The following PALM2AKAP2 variants were observed in gnomAD, a reference collection of about 807,000 sequenced individuals.
PALM2AKAP2 encodes the protein PALM2 and AKAP2 fusion.
A neutral mutation model predicts 71.5 loss-of-function variants in PALM2AKAP2; 37 were observed. That is an observed-to-expected ratio of 0.52 (90% CI 0.40 to 0.68). The LOEUF is 0.68. PALM2AKAP2 is among the 30% of genes least tolerant of loss of function. The pLI, the probability that PALM2AKAP2 is intolerant of heterozygous loss-of-function variation, is 0.00. For synonymous variants in PALM2AKAP2, 468 were observed against 478.8 expected (o/e 0.98, Z 0.29); for missense variants, 1,224 against 1,191.8 (o/e 1.03, Z -0.40).
At chr9:110,017,046 A>T (rs999818000) in intron 7 of PALM2AKAP2, among the ~76,000 whole-genome samples, 1 of 151,912 alleles carries the variant, frequency 6.6e-6, no homozygotes, top group Admixed American at 6.6e-5. Flanking sequence ...TGCCTGGCTA[A>T]TTTTTTGTAT....
chr9:109,900,089 A>G (rs1051473509), intron 3 of PALM2AKAP2, among the ~76,000 whole-genome samples: 1 of 152,364 alleles, frequency 6.6e-6, no homozygotes, highest in East Asian at 1.9e-4. Flanking sequence ...TGACATGCCC[A>G]TGGATACTCT....
chr9:109,698,515 G>A (rs1387827349), intron 1 of PALM2AKAP2, among the ~76,000 whole-genome samples: 1 of 152,168 alleles, frequency 6.6e-6, no homozygotes. Flanking sequence ...CTGACCTCAA[G>A]TGATCTGCCA....
At chr9:110,023,169 G>A (rs1833105015) in intron 7 of PALM2AKAP2, among the ~76,000 whole-genome samples, 1 of 151,556 alleles carries the variant, frequency 6.6e-6, no homozygotes, top group Non-Finnish European at 1.5e-5. Flanking sequence ...CTTCCACAAT[G>A]GTTGAACTAG....
intron 3 of PALM2AKAP2, among the ~76,000 whole-genome samples, chr9:109,889,011 G>GCAT (rs1830028210): frequency 6.6e-6 from 1 of 152,148 alleles, no homozygotes; most frequent in African/African-American, 2.4e-5. Flanking sequence ...CAAAAGCCTG[G>GCAT]CATTATGTGT....
At chr9:109,870,787 T>C (rs1829583252) in intron 2 of PALM2AKAP2, among the ~76,000 whole-genome samples, 2 of 152,216 alleles carry the variant, frequency 1.3e-5, no homozygotes, top group Non-Finnish European at 2.9e-5. Context: ...TCTAAATATA[T>C]TGTGATGGAC....
At chr9:110,146,761 G>A (rs924992824) in intron 2 of PALM2AKAP2, among the ~76,000 whole-genome samples, 1 of 152,148 alleles carries the variant, frequency 6.6e-6, no homozygotes, top group Admixed American at 6.5e-5. Context: ...ATACTTATGG[G>A]GTGGAAGGCT....
intron 1 of PALM2AKAP2, among the ~76,000 whole-genome samples, chr9:110,122,299 G>A (rs1232488085): frequency 6.6e-6 from 1 of 152,174 alleles, no homozygotes; most frequent in Non-Finnish European, 1.5e-5. Flanking sequence ...CCCAGCACTG[G>A]GATTTTACAG....
chr9:109,653,877 A>G (rs1454501059), intron 1 of PALM2AKAP2, among the ~76,000 whole-genome samples: 1 of 152,212 alleles, frequency 6.6e-6, no homozygotes, highest in African/African-American at 2.4e-5. Flanking sequence ...GGAGTTCAAC[A>G]ATCTGTGTGT....
chr9:109,689,209 T>C (rs959297911), intron 1 of PALM2AKAP2, among the ~76,000 whole-genome samples: 1,925 of 149,128 alleles, frequency 0.013, 23 homozygotes, highest in Non-Finnish European at 0.02. Context: ...TCTTTTTTTT[T>C]TTTTTTTTTT....
intron 1 of PALM2AKAP2, among the ~76,000 whole-genome samples, chr9:109,712,136 C>T (rs898356757): frequency 6.6e-5 from 10 of 152,062 alleles, no homozygotes; most frequent in African/African-American, 2.2e-4. Flanking sequence ...CCCAATAAAA[C>T]AGGGGTAATA....
At chr9:110,142,068 C>CTTTTTT (rs994621645) in intron 2 of PALM2AKAP2, among the ~76,000 whole-genome samples, 4 of 121,842 alleles carry the variant, frequency 3.3e-5, no homozygotes, top group African/African-American at 9.0e-5. Context: ...TCTTATTTTA[C>CTTTTTT]TTTTTTTTTT....
At chr9:110,067,703 G>A (rs949123789) in intron 1 of PALM2AKAP2, among the ~76,000 whole-genome samples, 7 of 152,130 alleles carry the variant, frequency 4.6e-5, no homozygotes, top group African/African-American at 1.7e-4. Flanking sequence ...TTCGGATATT[G>A]CTTTGTATTT....
At chr9:110,140,287 C>T (rs984618925) in intron 2 of PALM2AKAP2, among the ~76,000 whole-genome samples, 2 of 152,196 alleles carry the variant, frequency 1.3e-5, no homozygotes, top group African/African-American at 4.8e-5. Flanking sequence ...ACTTGTATGT[C>T]CTTTGGAGAT....
rs964599422 is a variant in PALM2AKAP2, at chr9:110,109,669, G to C, written c.157-26458G>C. On this transcript the variant is annotated intron_variant, in intron 1 of 3. Coordinates refer to ENST00000374525, the Ensembl canonical transcript of PALM2AKAP2. The stretch of plus-strand genomic sequence containing the variant: ...GCAGTCACCAGGAAACTTCAAGGGG[G>C]AGCAGGTTTAACCTGAATCCTTGCT... Among the ~76,000 whole-genome samples the C allele has an allele frequency of 3.9e-5, 6 of 152,178 alleles. No individual in the cohort carries two copies. The East Asian group carries it at 7.7e-4, about 20-fold the overall frequency.
At chr9:110,063,461 CAG>C (rs1834007502) in intron 1 of PALM2AKAP2, among the ~76,000 whole-genome samples, 1 of 144,680 alleles carries the variant, frequency 6.9e-6, no homozygotes, top group African/African-American at 2.6e-5. Context: ...TTTTTTGAGA[CAG>C]AGTTTCACTC....
chr9:109,712,779 G>A (rs1411196561), intron 1 of PALM2AKAP2, among the ~76,000 whole-genome samples: 5 of 152,184 alleles, frequency 3.3e-5, no homozygotes, highest in Non-Finnish European at 7.3e-5. Flanking sequence ...TCCCCATTTA[G>A]GTGGTCTCCA....
chr9:110,027,610 G>A (rs1027383674), intron 7 of PALM2AKAP2, among the ~76,000 whole-genome samples: 1 of 152,194 alleles, frequency 6.6e-6, no homozygotes, highest in Non-Finnish European at 1.5e-5. Flanking sequence ...AAAACCGTTT[G>A]AAAAGGGTAC....
chr9:109,851,614 T>C (rs1229253238), intron 1 of PALM2AKAP2, among the ~76,000 whole-genome samples: 1 of 152,144 alleles, frequency 6.6e-6, no homozygotes, highest in African/African-American at 2.4e-5. Flanking sequence ...CCACTTTTGA[T>C]GCATGATAAA....
intron 7 of PALM2AKAP2, among the ~76,000 whole-genome samples, chr9:110,019,091 T>C (rs1352321852): frequency 1.3e-5 from 2 of 151,698 alleles, no homozygotes; most frequent in Admixed American, 1.3e-4. Flanking sequence ...ATACAAAAAT[T>C]AGCCGGGTGT....
Sources: allele counts gnomAD v4.1 joint callset (sites outside exome capture counted in the v4.1 genomes callset), GRCh38; gene constraint gnomAD v4.1.1; transcripts MANE v1.5; gene names NCBI Gene and HGNC (gene_info 2026-07-23, HGNC 2026-07-21).